Variants in ERICH1 observed in about 807,000 individuals in gnomAD.
The protein encoded by ERICH1 is glutamate-rich protein 1.
Under a neutral mutation model 39.6 loss-of-function variants are expected in ERICH1, and 56 were observed. That is an observed-to-expected ratio of 1.41 (90% confidence interval 1.14 to 1.77). The LOEUF is 1.77. Ranked by LOEUF, ERICH1 falls within the 40% of genes most tolerant of loss-of-function variation. The pLI is 0.00. For missense variants in ERICH1, 826 were observed against 575.4 expected, an observed-to-expected ratio of 1.44 and a Z score of -4.45; for synonymous variants, 313 against 223.6, an observed-to-expected ratio of 1.40 and a Z score of -3.57.
chr8:706,170 A>G lies in ERICH1; in HGVS notation c.169+9691T>C, dbSNP rs193091442. ...GTGTGTAAGCGCACTTTGCTCACAC[A>G]GCAATGGACTCCTTTGGAATGTATT... is the stretch of plus-strand genomic sequence containing the variant. On this transcript the variant is annotated intron_variant, in intron 2 of 5. Coordinates refer to ENST00000262109, the MANE Select transcript of ERICH1 (RefSeq NM_207332.3). Among the ~76,000 whole-genome samples the G allele has an allele frequency of 3.9e-5, 6 of 152,360 alleles. No homozygotes were observed. The East Asian group carries it at 1.2e-3, about 29-fold the overall frequency.
chr8:639,841 A>G (rs59936208), intron 3 of ERICH1, among the ~76,000 whole-genome samples: 24,425 of 111,134 alleles, frequency 0.22, 3,892 homozygotes, highest in Middle Eastern at 0.3. Flanking sequence ...CAGACACACC[A>G]AGCACCCTGG....
At chr8:657,750 G>C (rs1225085432) in intron 3 of ERICH1, among the ~76,000 whole-genome samples, 1 of 152,034 alleles carries the variant, frequency 6.6e-6, no homozygotes, top group African/African-American at 2.4e-5. Context: ...GTCATGCCAT[G>C]TTAAATTAAA....
chr8:653,161 G>A (rs1315708362), intron 3 of ERICH1, among the ~76,000 whole-genome samples: 1 of 152,234 alleles, frequency 6.6e-6, no homozygotes, highest in Non-Finnish European at 1.5e-5. Flanking sequence ...CATGTACAGA[G>A]TAACATTATT....
intron 2 of ERICH1, among the ~76,000 whole-genome samples, chr8:701,969 C>G (rs181922005): frequency 1.4e-3 from 211 of 148,080 alleles, no homozygotes; most frequent in African/African-American, 4.9e-3. Flanking sequence ...GGGCGCTACT[C>G]GGGAGGCTGA....
chr8:681,930 GTGACGTCTGA>G (rs1487871006), intron 3 of ERICH1, among the ~76,000 whole-genome samples: 1 of 152,148 alleles, frequency 6.6e-6, no homozygotes, highest in Non-Finnish European at 1.5e-5. Context: ...CCACGCCTCG[GTGACGTCTGA>G]TCGCCCTGTC....
chr8:659,041 TGTGC>T (rs1801061916), intron 3 of ERICH1, among the ~76,000 whole-genome samples: 1 of 100,402 alleles, frequency 1.0e-5, no homozygotes, highest in Non-Finnish European at 2.1e-5. Context: ...AGATCTCCGG[TGTGC>T]ACTGAGCATC....
chr8:660,950 C>A (rs1341191578), downstream of ERICH1, among the ~76,000 whole-genome samples: 3 of 152,158 alleles, frequency 2.0e-5, no homozygotes, highest in African/African-American at 7.2e-5. Context: ...GCTCCGGGTT[C>A]CTGGGATACC....
intron 3 of ERICH1, among the ~76,000 whole-genome samples, chr8:642,077 G>A (rs922217351): frequency 6.6e-6 from 1 of 152,216 alleles, no homozygotes; most frequent in Non-Finnish European, 1.5e-5. Context: ...GGAGATCTTA[G>A]GGAAGGCCCA....
intron 3 of ERICH1, 143 bp from the exon 4 acceptor site, chr8:674,190 A>T: frequency 1.1e-6 from 1 of 949,204 alleles, no homozygotes; most frequent in Non-Finnish European, 1.5e-6. Context: ...TCTCAACTTT[A>T]CCATCAAAGA....
intron 3 of ERICH1, among the ~76,000 whole-genome samples, chr8:684,955 C>T (rs772692893): frequency 6.6e-6 from 1 of 152,190 alleles, no homozygotes; most frequent in Non-Finnish European, 1.5e-5. Flanking sequence ...ACTAGAATTG[C>T]TGATGAAGTT....
intron 2 of ERICH1, among the ~76,000 whole-genome samples, chr8:698,579 G>C (rs1271164396): frequency 6.6e-6 from 1 of 151,914 alleles, no homozygotes; most frequent in African/African-American, 2.4e-5. Context: ...TCAATGACAA[G>C]GTGGTCATTG....
At chr8:712,303 G>T (rs987384174) in intron 2 of ERICH1, among the ~76,000 whole-genome samples, 5 of 151,974 alleles carry the variant, frequency 3.3e-5, no homozygotes, top group African/African-American at 1.2e-4. Context: ...TCAATTTTTA[G>T]TCTTCTTTGA....
intron 2 of ERICH1, among the ~76,000 whole-genome samples, chr8:699,947 G>C (rs1474054336): frequency 7.6e-6 from 1 of 132,234 alleles, no homozygotes; most frequent in African/African-American, 2.9e-5. Flanking sequence ...ACCCGCACAC[G>C]CGCACAGGCC....
chr8:625,874 T>C (rs1273360270), intron 3 of ERICH1: 1 of 152,250 alleles, frequency 6.6e-6, no homozygotes, highest in Non-Finnish European at 1.5e-5. Flanking sequence ...TAAGATGATG[T>C]GATTCTTCCA....
rs1801907519 is a variant in ERICH1, at chr8:664,611, T to C, written c.1324A>G (p.Ser442Gly). ...WITHILPEKS[S>G]D ...TAAAGAGATATTCCATTTTAGTCACTGCTCTTCTCAGGAAGGATATGTGTG... is the reference window on the plus strand; with the variant it reads ...TAAAGAGATATTCCATTTTAGTCACCGCTCTTCTCAGGAAGGATATGTGTG... The change falls in exon 6 of 6, where the codon AGT becomes GGT. Residue 442 changes from serine (S) to glycine (G), a missense_variant. Ser to Gly is a moderately conservative substitution (Grantham distance 56, BLOSUM62 0). Coordinates refer to ENST00000262109, the MANE Select transcript of ERICH1 (RefSeq NM_207332.3). The C allele has an allele frequency of 6.2e-7, 1 of 1,611,324 alleles. No homozygotes were observed. Among genetic ancestry groups the C allele is most frequent in the Admixed American group, 1.7e-5 (1 of 59,636 alleles).
At position 646,589 on chromosome 8, in the gene ERICH1, C is replaced by T. The variant is rs1158324358; in HGVS notation, c.976+22009G>A. 2.9e-5 allele frequency among the ~76,000 whole-genome samples: 2 copies of T among 68,850 alleles called. 1 individual carries two copies. Among genetic ancestry groups the T allele is most frequent in the African/African-American group, 7.3e-5 (2 of 27,350 alleles). 45.2% of individuals were successfully genotyped at this position (68,850 alleles called of 152,430 possible). ...TGAACTATATGCCGACAGCTCCAGC[C>T]TGTCCTTGGGTCCCGTGGCCGAGCC... On this transcript the variant is annotated intron_variant, in intron 3 of 3. Transcript: ENST00000522706.
chr8:658,832 A>T (rs888311631), intron 3 of ERICH1, among the ~76,000 whole-genome samples: 7 of 152,178 alleles, frequency 4.6e-5, no homozygotes, highest in Non-Finnish European at 7.4e-5. Flanking sequence ...GGCTTTGCTT[A>T]TCCTGCTATG....
chr8:712,733 T>C (rs1585594398), intron 2 of ERICH1, among the ~76,000 whole-genome samples: 1 of 152,340 alleles, frequency 6.6e-6, no homozygotes, highest in East Asian at 1.9e-4. Flanking sequence ...ATTCCACTTG[T>C]TCTTTGCTGA....
At chr8:667,045 G>C (rs929876613) in intron 5 of ERICH1, 5 of 153,030 alleles carry the variant, frequency 3.3e-5, no homozygotes, top group African/African-American at 1.2e-4. Flanking sequence ...AGCAGCCCCA[G>C]ACTGGTCTCC....
Sources: allele counts gnomAD v4.1 joint callset (sites outside exome capture counted in the v4.1 genomes callset), GRCh38; gene constraint gnomAD v4.1.1; transcripts MANE v1.5; gene names NCBI Gene and HGNC (gene_info 2026-07-23, HGNC 2026-07-21).